ERICH6B: variants seen among roughly 807,000 people sequenced by gnomAD.
ERICH6B encodes glutamate rich 6B.
A neutral mutation model predicts 80.0 loss-of-function variants in ERICH6B; 69 were observed. That is an observed-to-expected ratio of 0.86 (90% CI 0.71 to 1.05). ERICH6B has a LOEUF of 1.05. Ranked by LOEUF, ERICH6B falls within the 50% of genes least tolerant of loss-of-function variation. The pLI is 0.00. For synonymous variants in ERICH6B, 283 were observed against 291.9 expected (o/e 0.97, Z 0.31); for missense variants, 754 against 796.1 (o/e 0.95, Z 0.64).
At chr13:45,551,562 T>C (rs1874224135) in intron 11 of ERICH6B, 1 of 152,198 alleles carries the variant, frequency 6.6e-6, no homozygotes, top group Non-Finnish European at 1.5e-5. Flanking sequence ...ACTTCTGAGA[T>C]TAGACAAGAT....
chr13:45,603,375 G>T (rs1203254558), intron 2 of ERICH6B, among the ~76,000 whole-genome samples: 1 of 152,148 alleles, frequency 6.6e-6, no homozygotes, highest in Non-Finnish European at 1.5e-5. Flanking sequence ...ACCTTAACAG[G>T]TCTATTCTTC....
rs1874159507 is a variant in ERICH6B, at chr13:45,550,160, C to G, written c.1493+71G>C. 6.5e-6 allele frequency: 10 copies of G among 1,532,970 alleles called. No individual in the cohort carries two copies. The South Asian group carries it at 1.2e-4, about 19-fold the overall frequency. The allele number at this position is 1,532,970 out of a possible 1,614,324, so 95.0% of individuals were successfully genotyped here. The stretch of plus-strand genomic sequence containing the variant: ...CCACACCTCAGTCAAACCCCTTACC[C>G]CATAAAAAATCGTAGACATTTTAGG... On this transcript the variant is annotated intron_variant, in intron 12 of 14. Transcript: ENST00000298738.
intron 1 of ERICH6B, among the ~76,000 whole-genome samples, chr13:45,609,600 GC>G (rs1296632644): frequency 6.6e-6 from 1 of 152,192 alleles, no homozygotes; most frequent in Non-Finnish European, 1.5e-5. Flanking sequence ...CTAGAATAGT[GC>G]CTGGCATTTG....
intron 7 of ERICH6B, among the ~76,000 whole-genome samples, chr13:45,577,793 G>T (rs531872469): frequency 2.0e-5 from 3 of 152,098 alleles, no homozygotes; most frequent in Admixed American, 6.6e-5. Flanking sequence ...AGGTCTTGCT[G>T]TGTTGCCCAG....
intron 2 of ERICH6B, among the ~76,000 whole-genome samples, chr13:45,597,611 C>T (rs1307755260): frequency 1.3e-5 from 2 of 152,108 alleles, no homozygotes; most frequent in Non-Finnish European, 2.9e-5. Flanking sequence ...CAGCCCTGCC[C>T]GCAGCACCAT....
intron 8 of ERICH6B, among the ~76,000 whole-genome samples, chr13:45,571,753 G>C: frequency 1.3e-5 from 2 of 152,260 alleles, no homozygotes; most frequent in South Asian, 4.2e-4. Context: ...CCTCAGGGTG[G>C]GCTCTAATCC....
chr13:45,567,803 G>T (rs182704272), intron 9 of ERICH6B, among the ~76,000 whole-genome samples: 88 of 152,338 alleles, frequency 5.8e-4, no homozygotes, highest in African/African-American at 1.8e-3. Flanking sequence ...TAACCTTACA[G>T]GGGCCCTGGC....
At chr13:45,614,673 T>C (rs1289175116) in intron 1 of ERICH6B, among the ~76,000 whole-genome samples, 1 of 152,260 alleles carries the variant, frequency 6.6e-6, no homozygotes, top group African/African-American at 2.4e-5. Flanking sequence ...AAACCCTAGA[T>C]GGATCAAGGT....
intron 9 of ERICH6B, among the ~76,000 whole-genome samples, chr13:45,567,420 C>T (rs939653974): frequency 1.3e-5 from 2 of 152,196 alleles, no homozygotes; most frequent in South Asian, 2.1e-4. Flanking sequence ...TGAATTCCCA[C>T]GTGTTGTGAG....
chr13:45,610,713 A>G (rs2138041321), intron 1 of ERICH6B, among the ~76,000 whole-genome samples: 1 of 152,344 alleles, frequency 6.6e-6, no homozygotes, highest in Non-Finnish European at 1.5e-5. Flanking sequence ...AACAATGGTA[A>G]GAATTTGTGC....
intron 5 of ERICH6B, among the ~76,000 whole-genome samples, chr13:45,585,537 T>G (rs1012615742): frequency 1.3e-5 from 2 of 152,170 alleles, no homozygotes; most frequent in Non-Finnish European, 2.9e-5. Context: ...CCTTTCCTTG[T>G]GTTTCAATCT....
rs1416306477 is a variant in ERICH6B, at chr13:45,544,893, G to A, written c.1739C>T (p.Ala580Val). 1.3e-6 allele frequency: 2 copies of A among 1,551,642 alleles called. No homozygotes were observed. Among genetic ancestry groups the A allele is most frequent in the Middle Eastern group, 1.7e-4 (1 of 6,012 alleles). ...CAAGGAGATGGGCTGGACAGGGGGT[G>A]CGTGGACATGGATGTTCAGATTCCA... ...NWWNLNIHVHAPPVQPISLKI... is the reference protein window; with the variant it reads ...NWWNLNIHVHVPPVQPISLKI... Residue 580 changes from alanine to valine, a missense_variant, in exon 14 of 15, where the codon GCA (alanine) becomes GTA (valine). Ala to Val is a moderately conservative substitution (Grantham distance 64). Transcript: ENST00000298738.
chr13:45,612,219 C>T (rs1006466766), intron 1 of ERICH6B, among the ~76,000 whole-genome samples: 2 of 152,154 alleles, frequency 1.3e-5, no homozygotes, highest in African/African-American at 2.4e-5. Flanking sequence ...CCCTCCTCTC[C>T]TTTTTCTCTT....
intron 3 of ERICH6B, among the ~76,000 whole-genome samples, chr13:45,590,987 G>A (rs554161795): frequency 9.8e-5 from 15 of 152,328 alleles, no homozygotes; most frequent in African/African-American, 3.6e-4. Context: ...GTATTGGGAT[G>A]AAGGACATCG....
intron 1 of ERICH6B, among the ~76,000 whole-genome samples, chr13:45,608,763 A>T (rs2138039228): frequency 6.6e-6 from 1 of 152,356 alleles, no homozygotes; most frequent in South Asian, 2.1e-4. Context: ...CAAGGATGAG[A>T]TATTCATTAA....
At chr13:45,578,177 C>A (rs908487943) in intron 7 of ERICH6B, among the ~76,000 whole-genome samples, 1 of 152,180 alleles carries the variant, frequency 6.6e-6, no homozygotes, top group South Asian at 2.1e-4. Flanking sequence ...CCTCCACCAC[C>A]ACCTGGTTAA....
chr13:45,591,553 A>G (rs1415133912), intron 3 of ERICH6B, among the ~76,000 whole-genome samples: 2 of 152,172 alleles, frequency 1.3e-5, no homozygotes, highest in Admixed American at 6.5e-5. Context: ...CCAAGATGGC[A>G]CCACTGCACT....
intron 13 of ERICH6B, among the ~76,000 whole-genome samples, chr13:45,548,676 C>G (rs750664133): frequency 6.6e-6 from 1 of 152,154 alleles, no homozygotes. Flanking sequence ...GGGAGCTCTT[C>G]CCTCCCTGGC....
intron 1 of ERICH6B, among the ~76,000 whole-genome samples, chr13:45,612,116 C>T (rs544125031): frequency 6.6e-6 from 1 of 152,214 alleles, no homozygotes; most frequent in Non-Finnish European, 1.5e-5. Context: ...CCCCTCTAGG[C>T]TGCCCAAATA....
Sources: allele counts gnomAD v4.1 joint callset (sites outside exome capture counted in the v4.1 genomes callset), GRCh38; gene constraint gnomAD v4.1.1; transcripts MANE v1.5; gene names NCBI Gene and HGNC (gene_info 2026-07-23, HGNC 2026-07-21).